The following PRR33 variants were observed in gnomAD, a reference collection of about 807,000 sequenced individuals.
PRR33 encodes proline rich 33, also known as proline-rich protein 33.
In PRR33, 1 loss-of-function variant was observed where a neutral mutation model predicts 0.5. The ratio of observed to expected loss-of-function variants is 2.18; its 90% CI spans 0.77 to 10.34. The LOEUF (loss-of-function observed/expected upper bound fraction) is 10.34, where lower values mean the gene tolerates loss of function less well. Ranked by LOEUF, PRR33 falls within the 30% of genes most tolerant of loss-of-function variation. PRR33 has a pLI of 0.13. For synonymous variants in PRR33, 226 were observed against 110.0 expected (o/e 2.06, Z -6.60); for missense variants, 552 against 251.8 (o/e 2.19, Z -8.07).
At chr11:1,911,999 T>TAAAAA in the PRR33 span, among the ~76,000 whole-genome samples, 2 of 26,996 alleles carry the variant, frequency 7.4e-5, no homozygotes, top group East Asian at 1.3e-3. Context: ...ACCCCATCTC[T>TAAAAA]AAAAAAAAAA....
chr11:1,899,310 C>T, the PRR33 span, among the ~76,000 whole-genome samples: 6 of 152,034 alleles, frequency 3.9e-5, no homozygotes, highest in South Asian at 2.1e-4. Flanking sequence ...GGTGAGATAA[C>T]GAACCCAGGG....
exon 1 of PRR33, chr11:1,889,662 C>T (rs953271238): frequency 4.3e-5 from 27 of 632,556 alleles, no homozygotes; most frequent in South Asian, 1.9e-4. Flanking sequence ...GCTGGACACT[C>T]GCTCGGCCTC....
At chr11:1,900,569 G>C in the PRR33 span, among the ~76,000 whole-genome samples, 1 of 152,188 alleles carries the variant, frequency 6.6e-6, no homozygotes, top group African/African-American at 2.4e-5. Context: ...GTGTGTGTTT[G>C]TGAGTTTTCA....
chr11:1,897,221 G>A, the PRR33 span, among the ~76,000 whole-genome samples: 2 of 152,190 alleles, frequency 1.3e-5, no homozygotes, highest in African/African-American at 4.8e-5. The surrounding 1 kb of genome is among the most constrained non-coding windows in gnomAD (Gnocchi z 4.0). Flanking sequence ...TGGAGAAGGC[G>A]GAACATAAAC....
chr11:1,902,537 G>A, the PRR33 span: 1 of 152,016 alleles, frequency 6.6e-6, no homozygotes, highest in African/African-American at 2.4e-5. Flanking sequence ...CTTTTTCTTT[G>A]TCTTAATTAA....
At chr11:1,888,086 TGAGACACACATTTATTA>T (rs1337669141) in exon 1 of PRR33, among the ~76,000 whole-genome samples, 1 of 152,134 alleles carries the variant, frequency 6.6e-6, no homozygotes, top group Non-Finnish European at 1.5e-5. Context: ...CCTGCCATGG[TGAGACACACATTTATTA>T]GTGACCTGGG....
exon 1 of PRR33, chr11:1,890,692 T>C (rs1848964837): frequency 1.6e-6 from 1 of 621,356 alleles, no homozygotes; most frequent in African/African-American, 1.8e-5. Flanking sequence ...GCCAGGGGTG[T>C]GGAGGCCTGA....
At chr11:1,909,653 AC>A in the PRR33 span, among the ~76,000 whole-genome samples, 4 of 152,008 alleles carry the variant, frequency 2.6e-5, no homozygotes, top group African/African-American at 9.7e-5. Flanking sequence ...GGCAGTGGGC[AC>A]CTGTAGTTCC....
Position 1,889,298 on chromosome 11 carries a change from G to C in PRR33, c.1287C>G (p.Ser429Arg), listed in dbSNP as rs1283088014. The C allele has an allele frequency of 2.6e-5, 18 of 700,000 alleles. No homozygotes were observed. The East Asian group carries it at 4.6e-4, about 18-fold the overall frequency. 43.4% of individuals were successfully genotyped at this position (700,000 alleles called of 1,614,324 possible). A position where few individuals can be genotyped will look rare whatever the true frequency, so the allele number is the denominator to read the frequency against. The stretch of plus-strand genomic sequence containing the variant: ...GGTACAGGAAGGGCAGGCGGGTGAG[G>C]CTGGCTGGGGTGTGCTCCCCACCGC... The change falls in exon 1 of 1, where the codon AGC (serine) becomes AGG (arginine). Residue 429 changes from serine to arginine, a missense_variant. Physicochemically the swap from Ser to Arg is moderately radical, Grantham distance 110 (BLOSUM62 -1). Transcript: ENST00000640310.
the PRR33 span, among the ~76,000 whole-genome samples, chr11:1,905,873 T>C: frequency 6.6e-6 from 1 of 151,630 alleles, no homozygotes; most frequent in African/African-American, 2.4e-5. Flanking sequence ...GGCTCGAGTG[T>C]ATTGGTGCAA....
At position 1,890,840 on chromosome 11, in the gene PRR33, C is replaced by T; in HGVS notation, c.-256G>A. 1.8e-6 allele frequency: 1 copy of T among 543,396 alleles called. No homozygotes were observed. The highest frequency in any genetic ancestry group is 3.3e-6 in the Non-Finnish European group (1 of 303,862). 33.7% of individuals were successfully genotyped at this position (543,396 alleles called of 1,614,324 possible). On this transcript the variant is annotated 5_prime_UTR_variant, in exon 1 of 1. An upstream open reading frame in the 5' UTR loses its in-frame stop. Transcript: ENST00000640310. ...AGGCCGAGTCCCTCCAGGGATGGGG[C>T]TAGAACCTGCCTCCAGGGCTCTGTC... is the stretch of plus-strand genomic sequence containing the variant.
At chr11:1,911,027 GC>G in the PRR33 span, among the ~76,000 whole-genome samples, 5 of 151,874 alleles carry the variant, frequency 3.3e-5, no homozygotes, top group East Asian at 9.6e-4. Context: ...GTTTTTTTTG[GC>G]TTGGTTTATG....
the PRR33 span, among the ~76,000 whole-genome samples, chr11:1,902,231 CAA>C: frequency 4.7e-5 from 6 of 126,854 alleles, no homozygotes; most frequent in Non-Finnish European, 3.4e-5. Flanking sequence ...GACTCTATCT[CAA>C]AAAAAAAAAA....
chr11:1,905,642 A>T, the PRR33 span, among the ~76,000 whole-genome samples: 26 of 144,404 alleles, frequency 1.8e-4, no homozygotes, highest in South Asian at 4.9e-3. Flanking sequence ...TTTCTACCAA[A>T]CCCTGGTAGA....
the PRR33 span, among the ~76,000 whole-genome samples, chr11:1,905,122 C>CTTTTTT: frequency 2.1e-5 from 2 of 96,582 alleles, no homozygotes; most frequent in African/African-American, 4.1e-5. Flanking sequence ...CTTGAGAATT[C>CTTTTTT]TTTTTTTTTT....
chr11:1,910,040 C>T, the PRR33 span, among the ~76,000 whole-genome samples: 35 of 152,352 alleles, frequency 2.3e-4, no homozygotes, highest in South Asian at 5.8e-3. Context: ...TCCGGGACTT[C>T]GCCATTGGTG....
At chr11:1,899,026 T>C in the PRR33 span, among the ~76,000 whole-genome samples, 1 of 152,004 alleles carries the variant, frequency 6.6e-6, no homozygotes, top group Non-Finnish European at 1.5e-5. Flanking sequence ...TCACCTACAT[T>C]GGCCCTTCGT....
chr11:1,899,912 A>G, the PRR33 span, among the ~76,000 whole-genome samples: 1 of 152,162 alleles, frequency 6.6e-6, no homozygotes, highest in African/African-American at 2.4e-5. Flanking sequence ...TCAATGGCCC[A>G]TCAAGTAGCA....
At chr11:1,910,061 G>A in the PRR33 span, among the ~76,000 whole-genome samples, 5 of 152,232 alleles carry the variant, frequency 3.3e-5, no homozygotes, top group East Asian at 3.8e-4. Context: ...GCTCACAGCC[G>A]CAGGTCAGCT....
Sources: gnomAD v4.1 joint callset for allele counts (sites outside exome capture counted in the v4.1 genomes callset) on GRCh38, gnomAD v4.1.1 for gene constraint, Gnocchi (gnomAD v3.1) non-coding constraint, MANE v1.5 for transcripts, NCBI Gene and HGNC (gene_info 2026-07-23, HGNC 2026-07-21) for gene names.